Variants in TTC28 observed in about 807,000 individuals in gnomAD.
TTC28 encodes tetratricopeptide repeat protein 28.
Under a neutral mutation model 198.0 loss-of-function variants are expected in TTC28, and 61 were observed. The ratio of observed to expected loss-of-function variants is 0.31; its 90% confidence interval spans 0.25 to 0.38. The LOEUF (loss-of-function observed/expected upper bound fraction) is 0.38. Among genes scored for constraint, TTC28 ranks in the 10% least tolerant of loss-of-function variants. The pLI, the probability that TTC28 is intolerant of heterozygous loss-of-function variation, is 1.00. For missense variants in TTC28, 2,678 were observed against 3,164.0 expected, an observed-to-expected ratio of 0.85 and a Z score of 3.69; for synonymous variants, 1,171 against 1,297.8, an observed-to-expected ratio of 0.90 and a Z score of 2.10.
At chr22:28,311,027 A>T (rs1014908420) in intron 2 of TTC28, among the ~76,000 whole-genome samples, 3 of 151,864 alleles carry the variant, frequency 2.0e-5, no homozygotes, top group Admixed American at 6.6e-5. Context: ...TGATCTACCC[A>T]CCTTGGCTTC....
chr22:28,610,859 A>C (rs2050806987), intron 2 of TTC28, among the ~76,000 whole-genome samples: 1 of 152,314 alleles, frequency 6.6e-6, no homozygotes, highest in South Asian at 2.1e-4. Context: ...TAGAATAACC[A>C]GCTTAGAGAA....
intron 1 of TTC28, among the ~76,000 whole-genome samples, chr22:28,640,870 C>G (rs548172104): frequency 1.3e-5 from 2 of 152,240 alleles, no homozygotes; most frequent in African/African-American, 4.8e-5. Flanking sequence ...TCTTAGGTAT[C>G]TACCCAAATG....
chr22:28,151,118 A>T (rs762495457), intron 6 of TTC28, among the ~76,000 whole-genome samples: 1 of 152,240 alleles, frequency 6.6e-6, no homozygotes, highest in Non-Finnish European at 1.5e-5. Context: ...AAAAACCTCC[A>T]AGCACTAATT....
chr22:28,350,909 G>A (rs906034655), intron 2 of TTC28, among the ~76,000 whole-genome samples: 2 of 152,158 alleles, frequency 1.3e-5, no homozygotes, highest in African/African-American at 4.8e-5. Context: ...TCGGCCGGGC[G>A]CAGTGGCTGA....
At chr22:28,516,759 T>TAA (rs533050995) in intron 2 of TTC28, among the ~76,000 whole-genome samples, 9 of 146,536 alleles carry the variant, frequency 6.1e-5, no homozygotes, top group African/African-American at 2.3e-4. Context: ...TAAAGTATAA[T>TAA]AAAAAAAAAA....
chr22:28,328,978 A>AT (rs2045575516), intron 2 of TTC28, among the ~76,000 whole-genome samples: 1 of 151,878 alleles, frequency 6.6e-6, no homozygotes, highest in South Asian at 2.1e-4. Flanking sequence ...TTTAGTTCCC[A>AT]TTTTCAAAAA....
intron 6 of TTC28, among the ~76,000 whole-genome samples, chr22:28,127,995 T>C (rs1942958697): frequency 6.6e-6 from 1 of 151,884 alleles, no homozygotes; most frequent in South Asian, 2.1e-4. Flanking sequence ...TTCCAAAGTA[T>C]TGGAACTACA....
intron 2 of TTC28, among the ~76,000 whole-genome samples, chr22:28,490,581 A>T (rs748350475): frequency 5.9e-5 from 9 of 152,234 alleles, no homozygotes; most frequent in Non-Finnish European, 1.2e-4. Flanking sequence ...AGGCCACCAC[A>T]CACAGTTATT....
In TTC28 at chr22:28,064,381, C is replaced by T. The variant is rs931781246; in HGVS notation, c.3932+29699G>A. Among the ~76,000 whole-genome samples, 4 of 152,062 alleles carry T rather than the reference C, an allele frequency of 2.6e-5. No individual in the cohort carries two copies. The East Asian group carries it at 7.7e-4, about 29-fold the overall frequency. On this transcript the variant is annotated intron_variant, in intron 12 of 22. Coordinates refer to ENST00000397906, the MANE Select transcript of TTC28 (RefSeq NM_001145418.2). ...CCCTCTGGGCCTCCCTACTTCAAAC[C>T]TCTCTGATTCTGTGTTTCCAAGTGT... is the stretch of plus-strand genomic sequence containing the variant.
chr22:28,406,120 CCTGT>C (rs1166505330), intron 2 of TTC28, among the ~76,000 whole-genome samples: 4 of 152,194 alleles, frequency 2.6e-5, no homozygotes, highest in Non-Finnish European at 4.4e-5. Context: ...TCTTAGTATT[CCTGT>C]CTATTACATC....
chr22:27,996,434 A>G, intron 16 of TTC28, 175 bp from the exon 17 acceptor site: 1 of 854,348 alleles, frequency 1.2e-6, no homozygotes. Context: ...GTGATGTGGC[A>G]CCCTTTTGTC....
At chr22:28,063,035 T>TTCA in intron 12 of TTC28, among the ~76,000 whole-genome samples, 1 of 152,332 alleles carries the variant, frequency 6.6e-6, no homozygotes, top group East Asian at 1.9e-4. Flanking sequence ...AGTATTTTTT[T>TTCA]TCAAAACAAG....
At position 28,108,150 on chromosome 22, in the gene TTC28, C is replaced by T. The variant is rs1392749728; in HGVS notation, c.1695G>A (p.Gln565=). 6.4e-7 allele frequency: 1 copy of T among 1,551,716 alleles called. No individual in the cohort carries two copies. The highest frequency in any genetic ancestry group is 2.0e-5 in the Admixed American group (1 of 51,008). ...GGGCCCGGTCATGGGCACCCAGGGC[C>T]TGGTAGGCCACGGCAAGGTTCCCAT... ...STHGNLAVAY[Q]ALGAHDRALQ... is the part of the protein sequence containing the mutation. The change falls in exon 7 of 23, where the codon CAG becomes CAA. Residue 565 remains glutamine (Q), a synonymous_variant. Transcript: ENST00000397906.
At chr22:28,085,791 G>A (rs895856810) in intron 12 of TTC28, among the ~76,000 whole-genome samples, 1 of 151,984 alleles carries the variant, frequency 6.6e-6, no homozygotes, top group Non-Finnish European at 1.5e-5. Flanking sequence ...GACACACATA[G>A]GCTCAAAATA....
At chr22:28,118,949 A>C (rs1942712095) in intron 6 of TTC28, among the ~76,000 whole-genome samples, 1 of 152,212 alleles carries the variant, frequency 6.6e-6, no homozygotes, top group South Asian at 2.1e-4. Context: ...CAATCAAAAA[A>C]TTTTATATCT....
intron 5 of TTC28, among the ~76,000 whole-genome samples, chr22:28,235,906 T>C (rs1929209300): frequency 6.6e-6 from 1 of 152,332 alleles, no homozygotes; most frequent in Middle Eastern, 3.4e-3. Flanking sequence ...GGTTAGAATA[T>C]GCCAATAGAC....
At chr22:28,473,032 TA>T (rs2048118833) in intron 2 of TTC28, among the ~76,000 whole-genome samples, 1 of 152,140 alleles carries the variant, frequency 6.6e-6, no homozygotes, top group South Asian at 2.1e-4. Flanking sequence ...GAGCCTCAGC[TA>T]AAACACTATT....
At chr22:28,238,865 T>G (rs1929446328) in intron 5 of TTC28, among the ~76,000 whole-genome samples, 1 of 152,206 alleles carries the variant, frequency 6.6e-6, no homozygotes, top group Admixed American at 6.5e-5. Flanking sequence ...GGTCTTTCTC[T>G]TTGTTGCCCC....
intron 1 of TTC28, among the ~76,000 whole-genome samples, chr22:28,653,197 G>A (rs904106837): frequency 6.6e-6 from 1 of 152,150 alleles, no homozygotes; most frequent in African/African-American, 2.4e-5. Flanking sequence ...CTCCCAGGAG[G>A]AAGAATAAAA....
Sources: gnomAD v4.1 joint callset for allele counts (sites outside exome capture counted in the v4.1 genomes callset) on GRCh38, gnomAD v4.1.1 for gene constraint, MANE v1.5 for transcripts, NCBI Gene and HGNC (gene_info 2026-07-23, HGNC 2026-07-21) for gene names.